The following DNAAF9 variants were observed in gnomAD, a reference collection of about 807,000 sequenced individuals.
DNAAF9 encodes the protein shulin.
In DNAAF9, 90 loss-of-function variants were observed where a neutral mutation model predicts 167.0. The ratio of observed to expected loss-of-function variants is 0.54; its 90% CI spans 0.45 to 0.64. The LOEUF is 0.64. DNAAF9 is among the 30% of genes least tolerant of loss of function. DNAAF9 has a pLI of 0.00. For synonymous variants in DNAAF9, 491 were observed against 508.8 expected, an observed-to-expected ratio of 0.96 and a Z score of 0.47; for missense variants, 1,315 against 1,442.2, an observed-to-expected ratio of 0.91 and a Z score of 1.43.
chr20:3,309,816 GAAATA>G (rs1307325485), intron 20 of DNAAF9, among the ~76,000 whole-genome samples: 2 of 152,070 alleles, frequency 1.3e-5, no homozygotes, highest in Admixed American at 1.3e-4. Flanking sequence ...AAAAGCATCA[GAAATA>G]AAATAAAAAG....
At chr20:3,334,604 T>C (rs2069902087) in intron 10 of DNAAF9, among the ~76,000 whole-genome samples, 1 of 152,206 alleles carries the variant, frequency 6.6e-6, no homozygotes, top group Non-Finnish European at 1.5e-5. Context: ...TAAGGCTATA[T>C]TTAGTTTTGT....
intron 16 of DNAAF9, among the ~76,000 whole-genome samples, chr20:3,321,000 A>G (rs775355754): frequency 5.9e-5 from 9 of 152,160 alleles, no homozygotes; most frequent in Non-Finnish European, 1.2e-4. Flanking sequence ...TCTGGGGTAA[A>G]GGGAGGACTC....
chr20:3,375,271 T>C, intron 4 of DNAAF9, 145 bp from the exon 5 acceptor site: 1 of 597,254 alleles, frequency 1.7e-6, no homozygotes, highest in East Asian at 2.8e-5. Context: ...AAGCCAACCT[T>C]TTTCATTTGC....
chr20:3,291,999 C>T (rs1431747987), intron 25 of DNAAF9, among the ~76,000 whole-genome samples: 1 of 151,582 alleles, frequency 6.6e-6, no homozygotes, highest in Non-Finnish European at 1.5e-5. Flanking sequence ...AATCCAAGAG[C>T]ACCTTTTTTT....
intron 14 of DNAAF9, among the ~76,000 whole-genome samples, chr20:3,324,054 T>A (rs7268100): frequency 0.062 from 9,444 of 152,172 alleles, 374 homozygotes; most frequent in Non-Finnish European, 0.082. Context: ...GGCAGCAAGA[T>A]CCAGAAGACC....
At chr20:3,317,360 CAAAAAAA>C (rs756394932) in intron 17 of DNAAF9, among the ~76,000 whole-genome samples, 22,841 of 99,880 alleles carry the variant, frequency 0.23, 2,025 homozygotes, top group South Asian at 0.25. Context: ...GACCTTGTCT[CAAAAAAA>C]AAAAAAAAAA....
chr20:3,311,248 C>T (rs1174739540), intron 20 of DNAAF9, among the ~76,000 whole-genome samples: 1 of 152,180 alleles, frequency 6.6e-6, no homozygotes, highest in Non-Finnish European at 1.5e-5. Context: ...TCAAGCCACC[C>T]TCCAGTCTCA....
At chr20:3,287,084 A>G (rs1440364497) in intron 27 of DNAAF9, among the ~76,000 whole-genome samples, 1 of 152,136 alleles carries the variant, frequency 6.6e-6, no homozygotes, top group Admixed American at 6.5e-5. Context: ...ACTCAAAATA[A>G]TCATGCTTAC....
At chr20:3,257,709 A>T (rs1026526319) in intron 33 of DNAAF9, among the ~76,000 whole-genome samples, 1 of 150,716 alleles carries the variant, frequency 6.6e-6, no homozygotes, top group African/African-American at 2.4e-5. Flanking sequence ...ATGCCCGGCT[A>T]ATTTTTTTTT....
intron 23 of DNAAF9, 200 bp downstream of exon 23, chr20:3,296,661 G>A (rs1309984963): frequency 1.2e-5 from 7 of 571,012 alleles, no homozygotes; most frequent in African/African-American, 7.5e-5. Context: ...GATTACAAGT[G>A]TGAGGCACTG....
chr20:3,304,496 G>A lies in DNAAF9; in HGVS notation c.1726C>T (p.His576Tyr), dbSNP rs771111889. ...TCCTTGGAAATGATGATACTTCTAT[G>A]ACGACAGTGAGAAAACAGAAGGCCA... Reference protein sequence around the residue: ...SSGLLFSHCRHRSIIISKDHM... With the variant: ...SSGLLFSHCRYRSIIISKDHM... Residue 576 changes from histidine to tyrosine, a missense_variant, in exon 21 of 37, where the codon CAT becomes TAT. This residue lies in a region of DNAAF9 where 981 missense variants were observed against 1,012.5 expected (regional missense o/e 0.97). Transcript: ENST00000252032. The A allele has an allele frequency of 4.6e-6, 7 of 1,521,120 alleles. No homozygotes were observed. The highest frequency in any genetic ancestry group is 2.3e-5 in the East Asian group (1 of 44,324). The allele number at this position is 1,521,120 out of a possible 1,614,324, so 94.2% of individuals were successfully genotyped here.
At chr20:3,376,426 G>T in intron 3 of DNAAF9, 124 bp from the exon 4 acceptor site, 1 of 779,636 alleles carries the variant, frequency 1.3e-6, no homozygotes, top group Non-Finnish European at 1.9e-6. Flanking sequence ...ACTCTAAACT[G>T]AAAATTATTT....
At chr20:3,264,101 C>G (rs986612215) in intron 31 of DNAAF9, among the ~76,000 whole-genome samples, 1 of 152,230 alleles carries the variant, frequency 6.6e-6, no homozygotes, top group Non-Finnish European at 1.5e-5. Context: ...AGAAGCGAGT[C>G]TCACCTGGGA....
chr20:3,268,396 T>C (rs1471003300), intron 30 of DNAAF9, among the ~76,000 whole-genome samples: 1 of 152,022 alleles, frequency 6.6e-6, no homozygotes. Context: ...TGGTACGATC[T>C]TGGCTCACTG....
chr20:3,318,981 G>A (rs2123040719), intron 16 of DNAAF9, among the ~76,000 whole-genome samples: 1 of 151,360 alleles, frequency 6.6e-6, no homozygotes, highest in Non-Finnish European at 1.5e-5. Context: ...TACTTGGGAG[G>A]CTGAGGCAGG....
intron 27 of DNAAF9, 56 bp from the exon 28 acceptor site, chr20:3,281,822 G>A (rs1382584086): frequency 5.8e-6 from 9 of 1,554,324 alleles, no homozygotes; most frequent in Non-Finnish European, 6.1e-6. Flanking sequence ...CAAAGTGGAG[G>A]AAGAGGGGAA....
At chr20:3,294,488 G>A in intron 24 of DNAAF9, 40 bp downstream of exon 24, 2 of 1,383,880 alleles carry the variant, frequency 1.4e-6, no homozygotes, top group South Asian at 1.2e-5. Context: ...CATTTCAAAA[G>A]CCAGAATATT....
chr20:3,334,125 T>C (rs867639877), intron 10 of DNAAF9, among the ~76,000 whole-genome samples: 1 of 152,194 alleles, frequency 6.6e-6, no homozygotes, highest in Non-Finnish European at 1.5e-5. Flanking sequence ...AGTAACAATA[T>C]ATATCCAGAT....
chr20:3,371,052 C>T (rs920090618), intron 6 of DNAAF9, among the ~76,000 whole-genome samples: 2 of 152,098 alleles, frequency 1.3e-5, no homozygotes, highest in African/African-American at 4.8e-5. Context: ...CATCTTCCTT[C>T]CCATTGCTTT....
Sources: gnomAD v4.1 joint callset for allele counts (sites outside exome capture counted in the v4.1 genomes callset) on GRCh38, gnomAD v4.1.1 for gene constraint, gnomAD v4.1.1 regional missense constraint, MANE v1.5 for transcripts, NCBI Gene and HGNC (gene_info 2026-07-23, HGNC 2026-07-21) for gene names.